Variants in UGT1A10 observed in about 807,000 individuals in gnomAD.
UGT1A10 encodes UDP glucuronosyltransferase family 1 member A10, also known as UDP-glucuronosyltransferase 1A10.
UGT1A10 carries 49 observed loss-of-function variants against 45.8 expected under a neutral mutation model. That is an observed-to-expected ratio of 1.07 (90% CI 0.85 to 1.36). UGT1A10 has a LOEUF of 1.36. UGT1A10 is among the 40% of genes most tolerant of loss of function. The pLI, the probability that UGT1A10 is intolerant of heterozygous loss-of-function variation, is 0.00. For synonymous variants in UGT1A10, 284 were observed against 249.7 expected, an observed-to-expected ratio of 1.14 and a Z score of -1.29; for missense variants, 745 against 668.6, an observed-to-expected ratio of 1.11 and a Z score of -1.26.
At chr2:233,643,054 C>G (rs2073497275) in intron 1 of UGT1A10, among the ~76,000 whole-genome samples, 1 of 152,190 alleles carries the variant, frequency 6.6e-6, no homozygotes, top group African/African-American at 2.4e-5. Flanking sequence ...CACCTCCTGG[C>G]TACTGCCTAT....
intron 1 of UGT1A10, among the ~76,000 whole-genome samples, chr2:233,646,136 G>A (rs1575398277): frequency 6.6e-6 from 1 of 152,284 alleles, no homozygotes. Context: ...TGAAGCCATG[G>A]TGTGAGCTGT....
chr2:233,772,868 T>C lies in UGT1A10; in HGVS notation c.*309T>C, dbSNP rs982401399. ...TTCTTACTCTGAAACATGGCCTGTT[T>C]GGGAGTGCGGGATTCAAAGGTGGTC... is the stretch of plus-strand genomic sequence containing the variant. On this transcript the variant is annotated 3_prime_UTR_variant, in exon 5 of 5. Coordinates refer to ENST00000344644, the MANE Select transcript of UGT1A10 (RefSeq NM_019075.4). 2 of 641,930 alleles carry C rather than the reference T, an allele frequency of 3.1e-6. No individual in the cohort carries two copies. The highest frequency in any genetic ancestry group is 3.7e-5 in the African/African-American group (2 of 53,644). 39.8% of individuals were successfully genotyped at this position (641,930 alleles called of 1,614,324 possible).
At chr2:233,692,951 T>G (rs2075122028) in intron 1 of UGT1A10, 1 of 1,602,764 alleles carries the variant, frequency 6.2e-7, no homozygotes, top group East Asian at 2.2e-5. Context: ...AGGAGCCCTG[T>G]GATTTGGAGA....
chr2:233,769,857 CAAAA>C lies in UGT1A10; in HGVS notation c.1295+1432_1295+1435del, dbSNP rs879204025. On this transcript the variant is annotated intron_variant, in intron 4 of 4. Coordinates refer to ENST00000344644, the MANE Select transcript of UGT1A10 (RefSeq NM_019075.4). This position sits in a 1 kb window ranked among gnomAD's most constrained non-coding sequence, Gnocchi z 4.4. ...TGGGCAACAGAGTGAGACCCTGTCTCAAAAAAAAAAAAAAAAATGAAAAGTCCAC... is the reference window on the plus strand; with the variant it reads ...TGGGCAACAGAGTGAGACCCTGTCTCAAAAAAAAAAAAATGAAAAGTCCAC... The C allele has an allele frequency of 2.0e-3, 458 of 223,780 alleles. No individual in the cohort carries two copies. Among genetic ancestry groups the C allele is most frequent in the Middle Eastern group, 6.2e-3 (5 of 804 alleles). The allele number at this position is 223,780 out of a possible 1,614,324, so 13.9% of individuals were successfully genotyped here. A position where few individuals can be genotyped will look rare whatever the true frequency, so the allele number is the denominator to read the frequency against.
intron 2 of UGT1A10, 69 bp from the exon 3 acceptor site, chr2:233,767,780 G>C: frequency 1.2e-6 from 2 of 1,613,138 alleles, no homozygotes; most frequent in Non-Finnish European, 1.7e-6. Flanking sequence ...TTTCTAGTTA[G>C]TATAGCAGAT....
chr2:233,747,722 G>T (rs554726929), intron 1 of UGT1A10: 13 of 1,612,764 alleles, frequency 8.1e-6, no homozygotes, highest in South Asian at 3.3e-5. Context: ...TTCCTGCTGT[G>T]TTTTTTTTGA....
At chr2:233,698,000 T>C (rs1454032719) in intron 1 of UGT1A10, among the ~76,000 whole-genome samples, 1 of 152,170 alleles carries the variant, frequency 6.6e-6, no homozygotes, top group Non-Finnish European at 1.5e-5. Context: ...GGAAAAAATA[T>C]CATTTCTGCA....
At chr2:233,656,736 C>T (rs753069758) in intron 1 of UGT1A10, among the ~76,000 whole-genome samples, 2 of 152,048 alleles carry the variant, frequency 1.3e-5, no homozygotes, top group African/African-American at 2.4e-5. Flanking sequence ...TCTGTCCCGT[C>T]GTGGCTGTGA....
chr2:233,715,168 G>T (rs926967380), intron 1 of UGT1A10, among the ~76,000 whole-genome samples: 1 of 152,054 alleles, frequency 6.6e-6, no homozygotes, highest in African/African-American at 2.4e-5. Flanking sequence ...TTACAGGCGC[G>T]AGCCACCACA....
At chr2:233,770,522 G>A (rs1294728713) in intron 4 of UGT1A10, 1 of 152,120 alleles carries the variant, frequency 6.6e-6, no homozygotes. Context: ...CCCAGGCATG[G>A]TGGTGTATGC....
intron 1 of UGT1A10, chr2:233,717,684 G>A: frequency 2.3e-6 from 1 of 439,992 alleles, no homozygotes; most frequent in South Asian, 1.6e-5. Flanking sequence ...GCACATGTAG[G>A]AGTGACTTTC....
At chr2:233,700,978 T>G (rs2075603422) in intron 1 of UGT1A10, among the ~76,000 whole-genome samples, 1 of 152,172 alleles carries the variant, frequency 6.6e-6, no homozygotes, top group Admixed American at 6.5e-5. Context: ...TGTTTGATTT[T>G]TTGTCCTTGC....
At chr2:233,724,741 C>T (rs1331801697) in intron 1 of UGT1A10, among the ~76,000 whole-genome samples, 1 of 144,478 alleles carries the variant, frequency 6.9e-6, no homozygotes, top group Non-Finnish European at 1.5e-5. Context: ...AGGGGCTCCT[C>T]ACATCCCAGA....
chr2:233,682,125 G>A, intron 1 of UGT1A10: 1 of 1,614,208 alleles, frequency 6.2e-7, no homozygotes, highest in East Asian at 2.2e-5. Context: ...CCAGAGGTGA[G>A]TTGGCAACTG....
intron 1 of UGT1A10, among the ~76,000 whole-genome samples, chr2:233,653,951 T>G (rs1401766600): frequency 1.3e-5 from 2 of 152,254 alleles, no homozygotes; most frequent in Non-Finnish European, 2.9e-5. Flanking sequence ...CTCTTCATTA[T>G]TGAGGACATT....
In UGT1A10 at chr2:233,772,705, C is replaced by G. The variant is rs769331263; in HGVS notation, c.*146C>G. ...CAGCCCCAGAGTGCTTTAAAAAATT[C>G]TCTTAAATAAAAATAATAGACTCGC... is the stretch of plus-strand genomic sequence containing the variant. On this transcript the variant is annotated 3_prime_UTR_variant, in exon 5 of 5. Coordinates refer to ENST00000344644, the MANE Select transcript of UGT1A10 (RefSeq NM_019075.4). 3.4e-6 allele frequency: 5 copies of G among 1,474,690 alleles called. No individual in the cohort carries two copies. Among genetic ancestry groups the G allele is most frequent in the Non-Finnish European group, 4.5e-6 (5 of 1,119,720 alleles). 91.4% of individuals were successfully genotyped at this position (1,474,690 alleles called of 1,614,324 possible).
At chr2:233,638,894 G>A (rs111673655) in intron 1 of UGT1A10, among the ~76,000 whole-genome samples, 48 of 152,316 alleles carry the variant, frequency 3.2e-4, no homozygotes, top group African/African-American at 1.1e-3. Flanking sequence ...AAGACCAGGC[G>A]AGGAGATGCA....
At chr2:233,716,406 A>T (rs2076503195) in intron 1 of UGT1A10, among the ~76,000 whole-genome samples, 1 of 152,042 alleles carries the variant, frequency 6.6e-6, no homozygotes, top group African/African-American at 2.4e-5. Flanking sequence ...TTAAAGTGAA[A>T]CCCACATCTT....
At chr2:233,673,458 A>G (rs1409521371) in intron 1 of UGT1A10, among the ~76,000 whole-genome samples, 1 of 152,142 alleles carries the variant, frequency 6.6e-6, no homozygotes, top group East Asian at 1.9e-4. Context: ...TACTTTCCTT[A>G]CATGAATATA....
Sources: allele counts gnomAD v4.1 joint callset (sites outside exome capture counted in the v4.1 genomes callset), GRCh38; gene constraint gnomAD v4.1.1; non-coding constraint Gnocchi (gnomAD v3.1); transcripts MANE v1.5; gene names NCBI Gene and HGNC (gene_info 2026-07-23, HGNC 2026-07-21).